Variants in SSX2IP observed in about 807,000 individuals in gnomAD.
SSX2IP encodes the protein afadin- and alpha-actinin-binding protein.
In SSX2IP, 55 loss-of-function variants were observed where a neutral mutation model predicts 84.9. That is an observed-to-expected ratio of 0.65 (90% confidence interval 0.52 to 0.81). The LOEUF (loss-of-function observed/expected upper bound fraction) is 0.81. Ranked by LOEUF, SSX2IP falls within the 30% of genes least tolerant of loss-of-function variation. The pLI, the probability that SSX2IP is intolerant of heterozygous loss-of-function variation, is 0.00. For missense variants in SSX2IP, 664 were observed against 705.2 expected (o/e 0.94, Z 0.66); for synonymous variants, 239 against 234.7 (o/e 1.02, Z -0.17).
At chr1:84,654,897 A>G (rs1331413556) in intron 11 of SSX2IP, among the ~76,000 whole-genome samples, 2 of 152,200 alleles carry the variant, frequency 1.3e-5, no homozygotes, top group African/African-American at 4.8e-5. Context: ...GTACAGCAAG[A>G]GAGGTAGAAC....
chr1:84,673,352 A>T (rs1038636613), intron 1 of SSX2IP, among the ~76,000 whole-genome samples: 1 of 152,202 alleles, frequency 6.6e-6, no homozygotes, highest in African/African-American at 2.4e-5. Flanking sequence ...GCCCAGGTAA[A>T]GGAAACAGCA....
intron 11 of SSX2IP, chr1:84,655,623 T>A (rs1252574364): frequency 6.6e-7 from 1 of 1,505,952 alleles, no homozygotes; most frequent in Admixed American, 2.0e-5. Context: ...AGCGTTTTTT[T>A]TTCTTAAGTT....
chr1:84,653,854 A>T (rs1320725381), intron 11 of SSX2IP, among the ~76,000 whole-genome samples: 4 of 113,556 alleles, frequency 3.5e-5, no homozygotes, highest in Non-Finnish European at 7.4e-5. Context: ...AATCTTTTTT[A>T]AAAATGTAAC....
intron 6 of SSX2IP, among the ~76,000 whole-genome samples, chr1:84,663,629 C>T (rs1247065376): frequency 1.3e-5 from 2 of 152,178 alleles, no homozygotes; most frequent in African/African-American, 4.8e-5. Flanking sequence ...GCAGAGTCTA[C>T]CACATGACAG....
At position 84,647,568 on chromosome 1, in the gene SSX2IP, T is replaced by C. The variant is rs771994401; in HGVS notation, c.1710A>G (p.Lys570=). ...TACATTCTCCTCCAACCTGATTTGGTTTAATTTCTTCAGCAGTTATATTCA... is the reference window on the plus strand; with the variant it reads ...TACATTCTCCTCCAACCTGATTTGGCTTAATTTCTTCAGCAGTTATATTCA... ...NVLNITAEEI[K]PNQVGGECTN... The change falls in exon 14 of 14, where the codon AAA becomes AAG. Residue 570 remains lysine (K), a synonymous_variant. Transcript: ENST00000342203. The C allele has an allele frequency of 1.4e-5, 22 of 1,612,108 alleles. No individual in the cohort carries two copies. The South Asian group carries it at 2.4e-4, about 18-fold the overall frequency.
chr1:84,674,494 A>C (rs959870798), intron 1 of SSX2IP, among the ~76,000 whole-genome samples: 27 of 152,312 alleles, frequency 1.8e-4, no homozygotes, highest in Non-Finnish European at 3.8e-4. Context: ...GGTCAGAAGA[A>C]AACAGTAATA....
chr1:84,667,318 C>G (rs1366096184), intron 4 of SSX2IP, among the ~76,000 whole-genome samples: 1 of 145,990 alleles, frequency 6.8e-6, no homozygotes, highest in Non-Finnish European at 1.5e-5. Context: ...GACCCCTAGT[C>G]TCCAAATTCA....
In SSX2IP at chr1:84,669,848, C is replaced by G; in HGVS notation, c.259G>C (p.Gly87Arg). 7.4e-6 allele frequency: 12 copies of G among 1,613,304 alleles called. No homozygotes were observed. Among genetic ancestry groups the G allele is most frequent in the Non-Finnish European group, 1.0e-5 (12 of 1,179,562 alleles). ...GFPSLYEESK[G>R]KETKRELNIV... is the part of the protein sequence containing the mutation. ...TTTAACTCTCTCTTTGTCTCTTTAC[C>G]TTTGGATTCTTCATATAATGAAGGA... Residue 87 changes from glycine to arginine, a missense_variant, in exon 4 of 14, where the codon GGT (glycine) becomes CGT (arginine). Transcript: ENST00000342203.
intron 11 of SSX2IP, among the ~76,000 whole-genome samples, chr1:84,654,973 A>G (rs1348346739): frequency 6.6e-6 from 1 of 152,148 alleles, no homozygotes; most frequent in Non-Finnish European, 1.5e-5. Flanking sequence ...CTGAAGTTGA[A>G]CAAACATGAA....
At chr1:84,664,908 T>G (rs1304159235) in intron 5 of SSX2IP, among the ~76,000 whole-genome samples, 1 of 152,170 alleles carries the variant, frequency 6.6e-6, no homozygotes, top group Non-Finnish European at 1.5e-5. Flanking sequence ...ATTACTGACT[T>G]ACAATCACTT....
intron 8 of SSX2IP, among the ~76,000 whole-genome samples, chr1:84,659,166 A>C (rs953955823): frequency 1.2e-4 from 18 of 152,240 alleles, no homozygotes; most frequent in African/African-American, 4.3e-4. Flanking sequence ...GCAGAGAGAT[A>C]TACTTCACTA....
chr1:84,684,609 T>C, intron 1 of SSX2IP, among the ~76,000 whole-genome samples: 1 of 152,164 alleles, frequency 6.6e-6, no homozygotes, highest in East Asian at 1.9e-4. Context: ...AGTCCACTCC[T>C]AGTGAAACCC....
At chr1:84,655,738 G>A in intron 11 of SSX2IP, 94 bp downstream of exon 11, 2 of 1,457,650 alleles carry the variant, frequency 1.4e-6, no homozygotes, top group Non-Finnish European at 1.8e-6. Context: ...TAGAAAATAA[G>A]TAAATAGCAA....
chr1:84,685,002 G>A (rs959236947), intron 1 of SSX2IP, among the ~76,000 whole-genome samples: 6 of 151,856 alleles, frequency 4.0e-5, no homozygotes, highest in African/African-American at 7.3e-5. Flanking sequence ...TTATGCACAG[G>A]GTTAGGTGGT....
intron 1 of SSX2IP, among the ~76,000 whole-genome samples, chr1:84,674,564 A>G (rs1309553712): frequency 6.6e-6 from 1 of 152,190 alleles, no homozygotes; most frequent in Admixed American, 6.5e-5. Flanking sequence ...TAGTGCCTTA[A>G]GTGTCTTTTC....
chr1:84,670,597 C>G (rs1557506836), intron 3 of SSX2IP, 49 bp downstream of exon 3: 1 of 1,313,576 alleles, frequency 7.6e-7, no homozygotes, highest in East Asian at 2.4e-5. Flanking sequence ...TTGATACATT[C>G]TATTATATAA....
intron 9 of SSX2IP, among the ~76,000 whole-genome samples, chr1:84,657,945 C>A (rs997588366): frequency 6.6e-6 from 1 of 151,926 alleles, no homozygotes. Context: ...ATAAGCCTGG[C>A]CAACACAGCA....
At chr1:84,656,226 A>C in intron 10 of SSX2IP, 122 bp downstream of exon 10, 2 of 1,051,718 alleles carry the variant, frequency 1.9e-6, no homozygotes, top group Non-Finnish European at 2.7e-6. Flanking sequence ...TTAGCAGGGA[A>C]CACAGACTAG....
In SSX2IP at chr1:84,671,248, G is replaced by C. The variant is rs1181611595; in HGVS notation, c.-29C>G. 1 of 1,606,650 alleles carries C rather than the reference G, an allele frequency of 6.2e-7. No homozygotes were observed. The highest frequency in any genetic ancestry group is 2.3e-5 in the East Asian group (1 of 44,442). On this transcript the variant is annotated 5_prime_UTR_variant, in exon 2 of 14. Transcript: ENST00000342203. ...AATCTCTAGAGCCAGGATACCTGAG[G>C]AACTAGTTCAGCAGTTAAACATTTA...
Sources: allele counts gnomAD v4.1 joint callset (sites outside exome capture counted in the v4.1 genomes callset), GRCh38; gene constraint gnomAD v4.1.1; transcripts MANE v1.5; gene names NCBI Gene and HGNC (gene_info 2026-07-23, HGNC 2026-07-21).